The following CAPN7 variants were observed in gnomAD, a reference collection of about 807,000 sequenced individuals.
CAPN7 encodes calpain 7, also known as calpain-7.
A neutral mutation model predicts 115.2 loss-of-function variants in CAPN7; 72 were observed. The observed-to-expected ratio is 0.63, with a 90% CI of 0.52 to 0.76. CAPN7 has a LOEUF of 0.76. CAPN7 is among the 30% of genes least tolerant of loss of function. The pLI is 0.00. For missense variants in CAPN7, 905 were observed against 971.5 expected, an observed-to-expected ratio of 0.93 and a Z score of 0.91; for synonymous variants, 344 against 322.3, an observed-to-expected ratio of 1.07 and a Z score of -0.72.
At position 15,240,720 on chromosome 3, in the gene CAPN7, A is replaced by T. The variant is rs202065668; in HGVS notation, c.1553-34A>T. The T allele has an allele frequency of 3.3e-4, 519 of 1,571,478 alleles. 2 individuals are homozygous for T. In the African/African-American group the frequency reaches 4.9e-3, roughly 15 times the overall value. On this transcript the variant is annotated intron_variant, in intron 13 of 20. Transcript: ENST00000253693. ...CTGACTTAAATCATTTAGCATTAAGATTTTTTTAGATTAACAAAGATATTA... is the reference window on the plus strand; with the variant it reads ...CTGACTTAAATCATTTAGCATTAAGTTTTTTTTAGATTAACAAAGATATTA...
At chr3:15,230,037 T>C (rs1263543993) in intron 8 of CAPN7, among the ~76,000 whole-genome samples, 1 of 152,216 alleles carries the variant, frequency 6.6e-6, no homozygotes, top group Non-Finnish European at 1.5e-5. Flanking sequence ...AGTATGTTAC[T>C]GTATAATTTC....
At chr3:15,219,971 T>G (rs113648377) in intron 4 of CAPN7, among the ~76,000 whole-genome samples, 7,404 of 152,122 alleles carry the variant, frequency 0.049, 619 homozygotes, top group African/African-American at 0.17. Context: ...GAGACTGAGG[T>G]GGACGAATCA....
Position 15,210,096 on chromosome 3 carries a change from G to A in CAPN7, c.103-2008G>A, listed in dbSNP as rs572131612. Reference sequence around the variant, plus strand: ...ACTCACTGCAGCCTCAAACTCCTGGGCTAAAACAATCTTCCAGCCTCAGCC... The same window carrying A: ...ACTCACTGCAGCCTCAAACTCCTGGACTAAAACAATCTTCCAGCCTCAGCC... On this transcript the variant is annotated intron_variant, in intron 1 of 20. Coordinates refer to ENST00000253693, the MANE Select transcript of CAPN7 (RefSeq NM_014296.3). 3.9e-5 allele frequency among the ~76,000 whole-genome samples: 6 copies of A among 152,140 alleles called. No homozygotes were observed. In the South Asian group the frequency reaches 1.2e-3, roughly 32 times the overall value.
chr3:15,241,238 A>G (rs1281488308), intron 14 of CAPN7, among the ~76,000 whole-genome samples: 1 of 152,194 alleles, frequency 6.6e-6, no homozygotes, highest in African/African-American at 2.4e-5. Context: ...TGGTTAATTT[A>G]GGAAGACTAG....
rs1406670479 is a variant in CAPN7, at chr3:15,252,717, C to G, written c.*1457C>G. On this transcript the variant is annotated 3_prime_UTR_variant, in exon 21 of 21. Transcript: ENST00000253693. ...CTATAATAGAGCTCTAAAAACATGC[C>G]ACCAGTGTATGAATAAGGGAAAGAT... 6.6e-6 allele frequency: 1 copy of G among 151,748 alleles called. No homozygotes were observed. The allele number at this position is 151,748 out of a possible 1,614,324, so 9.4% of individuals were successfully genotyped here.
At chr3:15,206,913 C>T (rs1231538318) in intron 1 of CAPN7, among the ~76,000 whole-genome samples, 2 of 152,260 alleles carry the variant, frequency 1.3e-5, no homozygotes, top group Non-Finnish European at 2.9e-5. Context: ...CTTGCTGTCA[C>T]TTGACTCTGA....
intron 1 of CAPN7, among the ~76,000 whole-genome samples, chr3:15,208,115 A>G (rs1049789500): frequency 6.6e-6 from 1 of 151,990 alleles, no homozygotes; most frequent in African/African-American, 2.4e-5. Flanking sequence ...TTATAATCTT[A>G]GGGGACCACT....
chr3:15,206,417 C>G lies in CAPN7; in HGVS notation c.-79C>G. 8.9e-7 allele frequency: 1 copy of G among 1,125,334 alleles called. No homozygotes were observed. Among genetic ancestry groups the G allele is most frequent in the Admixed American group, 2.3e-5 (1 of 44,304 alleles). 69.7% of individuals were successfully genotyped at this position (1,125,334 alleles called of 1,614,324 possible). The stretch of plus-strand genomic sequence containing the variant: ...CCGCGGCGCTCCCGAGTCCTCGCCG[C>G]CGCCGGGCCGCCGCAGTCCGCGAAG... On this transcript the variant is annotated 5_prime_UTR_variant, in exon 1 of 21. Transcript: ENST00000253693.
At chr3:15,212,907 T>G (rs1302015437) in intron 2 of CAPN7, among the ~76,000 whole-genome samples, 1 of 152,230 alleles carries the variant, frequency 6.6e-6, no homozygotes, top group Non-Finnish European at 1.5e-5. Context: ...ATGGACTTTG[T>G]GTAACTTTCT....
At chr3:15,211,022 C>A (rs1300274139) in intron 1 of CAPN7, 9 of 828,798 alleles carry the variant, frequency 1.1e-5, no homozygotes, top group Non-Finnish European at 1.2e-5. Context: ...CACCTTCTAG[C>A]CATAGCATAA....
rs1212678432 is a variant in CAPN7 at position 15,241,386 on chromosome 3, AAT to A, written c.1653-65_1653-64del. On this transcript the variant is annotated intron_variant, in intron 14 of 20. Transcript: ENST00000253693. Reference sequence around the variant, plus strand: ...TTGGATAGCTTAATTCACTTTTTGAAATAGTGTTATATTTTAGCTCTATGAGA... The same window carrying A: ...TTGGATAGCTTAATTCACTTTTTGAAAGTGTTATATTTTAGCTCTATGAGA... 38 of 1,485,790 alleles carry A rather than the reference AAT, an allele frequency of 2.6e-5. No individual in the cohort carries two copies. In the East Asian group the frequency reaches 8.7e-4, roughly 34 times the overall value. The allele number at this position is 1,485,790 out of a possible 1,614,324, so 92.0% of individuals were successfully genotyped here. A position where few individuals can be genotyped will look rare whatever the true frequency, so the allele number is the denominator to read the frequency against.
chr3:15,237,623 G>C (rs1005883560), intron 12 of CAPN7, among the ~76,000 whole-genome samples: 1 of 152,062 alleles, frequency 6.6e-6, no homozygotes, highest in Non-Finnish European at 1.5e-5. Context: ...AATTAAGTAC[G>C]CCAATAAGTT....
At chr3:15,244,251 T>G (rs1361746202) in intron 16 of CAPN7, among the ~76,000 whole-genome samples, 1 of 152,216 alleles carries the variant, frequency 6.6e-6, no homozygotes, top group East Asian at 1.9e-4. Flanking sequence ...TCAATATCCC[T>G]GCGTTCTGGA....
At chr3:15,245,311 C>G (rs1695592822) in intron 16 of CAPN7, among the ~76,000 whole-genome samples, 2 of 151,702 alleles carry the variant, frequency 1.3e-5, no homozygotes, top group African/African-American at 4.8e-5. Context: ...TACTATTATA[C>G]TTCATTGAAA....
At chr3:15,227,418 C>A (rs1371695578) in intron 6 of CAPN7, among the ~76,000 whole-genome samples, 1 of 152,124 alleles carries the variant, frequency 6.6e-6, no homozygotes, top group Non-Finnish European at 1.5e-5. Context: ...GGTTAGTATT[C>A]ACTAAATTAG....
intron 1 of CAPN7, among the ~76,000 whole-genome samples, chr3:15,209,099 C>G (rs1015353180): frequency 6.6e-6 from 1 of 152,122 alleles, no homozygotes; most frequent in Non-Finnish European, 1.5e-5. Flanking sequence ...CAACCTCCAC[C>G]TCGTGGGTTC....
chr3:15,234,682 A>G (rs1219544525), intron 11 of CAPN7, among the ~76,000 whole-genome samples: 3 of 152,226 alleles, frequency 2.0e-5, no homozygotes, highest in African/African-American at 7.2e-5. Flanking sequence ...TTGCAAAACT[A>G]GAAAGCTCAG....
At chr3:15,215,163 G>A (rs1055146995) in intron 2 of CAPN7, among the ~76,000 whole-genome samples, 3 of 152,150 alleles carry the variant, frequency 2.0e-5, no homozygotes, top group African/African-American at 4.8e-5. Flanking sequence ...AGTGGTGAGT[G>A]CCTGTAGTTC....
intron 16 of CAPN7, among the ~76,000 whole-genome samples, chr3:15,244,295 T>C (rs1453241079): frequency 6.6e-6 from 1 of 152,176 alleles, no homozygotes; most frequent in African/African-American, 2.4e-5. Context: ...CAGTGACAAA[T>C]ATCGAGTTAA....
Sources: gnomAD v4.1 joint callset for allele counts (sites outside exome capture counted in the v4.1 genomes callset) on GRCh38, gnomAD v4.1.1 for gene constraint, MANE v1.5 for transcripts, NCBI Gene and HGNC (gene_info 2026-07-23, HGNC 2026-07-21) for gene names.